The following AKAP6 variants were observed in gnomAD, a reference collection of about 807,000 sequenced individuals.
AKAP6 encodes A-kinase anchor protein 6.
Under a neutral mutation model 188.5 loss-of-function variants are expected in AKAP6, and 58 were observed. The ratio of observed to expected loss-of-function variants is 0.31; its 90% CI spans 0.25 to 0.38. AKAP6 has a LOEUF of 0.38. Among genes scored for constraint, AKAP6 ranks in the 10% least tolerant of loss-of-function variants. AKAP6 has a pLI of 1.00. For missense variants in AKAP6, 2,710 were observed against 2,740.0 expected, an observed-to-expected ratio of 0.99 and a Z score of 0.24; for synonymous variants, 989 against 998.6, an observed-to-expected ratio of 0.99 and a Z score of 0.18.
At chr14:32,455,770 T>A (rs1392622368) in intron 2 of AKAP6, among the ~76,000 whole-genome samples, 2 of 152,244 alleles carry the variant, frequency 1.3e-5, no homozygotes, top group Admixed American at 6.5e-5. Context: ...AGATCTACTC[T>A]GATCTGTTTT....
At chr14:32,427,096 T>C (rs1200685250) in intron 1 of AKAP6, among the ~76,000 whole-genome samples, 1 of 152,202 alleles carries the variant, frequency 6.6e-6, no homozygotes. Context: ...CGAGATCTTT[T>C]AAATTATGGA....
At chr14:32,564,684 C>T (rs1412535654) in intron 4 of AKAP6, among the ~76,000 whole-genome samples, 2 of 152,158 alleles carry the variant, frequency 1.3e-5, no homozygotes, top group African/African-American at 2.4e-5. Flanking sequence ...CAGATGTTAA[C>T]AGTCAGAAGG....
chr14:32,412,932 C>A (rs1889534854), intron 1 of AKAP6, among the ~76,000 whole-genome samples: 1 of 152,120 alleles, frequency 6.6e-6, no homozygotes, highest in Admixed American at 6.6e-5. Flanking sequence ...TTTTCTCAAT[C>A]TTGAAATTGG....
rs539563610 is a variant in AKAP6 at position 32,826,088 on chromosome 14, A to AT, written c.*42+1282dup. Among the ~76,000 whole-genome samples, 47 of 151,414 alleles carry AT rather than the reference A, an allele frequency of 3.1e-4. 1 individual carries two copies. Among genetic ancestry groups the AT allele is most frequent in the East Asian group, 2.5e-3 (13 of 5,130 alleles). On this transcript the variant is annotated intron_variant, in intron 13 of 13. Coordinates refer to ENST00000280979, the MANE Select transcript of AKAP6 (RefSeq NM_004274.5). Reference sequence around the variant, plus strand: ...TGAAAGATGAATGGCAAACATCATTATTTTTTTTTCCTGCAACACCTGTGC... The same window carrying AT: ...TGAAAGATGAATGGCAAACATCATTATTTTTTTTTTCCTGCAACACCTGTGC...
chr14:32,815,277 A>G (rs1261066552), intron 12 of AKAP6, among the ~76,000 whole-genome samples: 5 of 152,178 alleles, frequency 3.3e-5, no homozygotes, highest in African/African-American at 7.2e-5. Context: ...AGCATTCACT[A>G]GAACAGTTTT....
At chr14:32,344,814 G>T (rs1019953316) in intron 1 of AKAP6, among the ~76,000 whole-genome samples, 6 of 151,878 alleles carry the variant, frequency 4.0e-5, no homozygotes, top group Non-Finnish European at 7.4e-5. Flanking sequence ...TACTCAGGAG[G>T]CTGAGGCATG....
chr14:32,379,571 C>T (rs924447814), intron 1 of AKAP6, among the ~76,000 whole-genome samples: 2 of 152,066 alleles, frequency 1.3e-5, no homozygotes, highest in Non-Finnish European at 2.9e-5. Context: ...TGCTTCTTTT[C>T]CTTTCCCCTT....
At chr14:32,817,480 TGTGTC>T (rs1211887718) in intron 12 of AKAP6, among the ~76,000 whole-genome samples, 6 of 131,614 alleles carry the variant, frequency 4.6e-5, no homozygotes, top group South Asian at 2.5e-4. Context: ...TGTGTGTGTG[TGTGTC>T]TGTGTTTGTG....
At chr14:32,828,809 T>A (rs1400930720) in intron 13 of AKAP6, among the ~76,000 whole-genome samples, 24 of 152,192 alleles carry the variant, frequency 1.6e-4, no homozygotes, top group Admixed American at 1.5e-3. Flanking sequence ...CCAAATTTCA[T>A]CCCATCTGTT....
rs1320017687 is a variant in AKAP6, at chr14:32,821,677, G to A, written c.3864G>A (p.Val1288=). ...TAPSSPHIYQ[V]YSLHNVELYE... ...CCTCTAGTCCACACATTTACCAGGT[G>A]TACAGCCTCCACAATGTTGAACTCT... The change falls in exon 13 of 14, where the codon GTG becomes GTA. Residue 1288 remains valine (V), a synonymous_variant. Coordinates refer to ENST00000280979, the MANE Select transcript of AKAP6 (RefSeq NM_004274.5). 6 of 1,613,676 alleles carry A rather than the reference G, an allele frequency of 3.7e-6. No individual in the cohort carries two copies. The highest frequency in any genetic ancestry group is 1.7e-6 in the Non-Finnish European group (2 of 1,179,884).
At chr14:32,777,039 A>G (rs2033088961) in intron 12 of AKAP6, among the ~76,000 whole-genome samples, 1 of 152,182 alleles carries the variant, frequency 6.6e-6, no homozygotes, top group African/African-American at 2.4e-5. Flanking sequence ...CCTCACTCAT[A>G]GTAGAAACCC....
chr14:32,520,694 A>T (rs1881782149), intron 2 of AKAP6, among the ~76,000 whole-genome samples: 2 of 152,222 alleles, frequency 1.3e-5, no homozygotes, highest in South Asian at 4.1e-4. Context: ...AAATTGAGGC[A>T]GTAATTAGTA....
At chr14:32,777,084 A>G (rs1235842662) in intron 12 of AKAP6, among the ~76,000 whole-genome samples, 1 of 152,190 alleles carries the variant, frequency 6.6e-6, no homozygotes, top group African/African-American at 2.4e-5. Flanking sequence ...GGGTACCAAG[A>G]AAAGTTTTTG....
chr14:32,563,141 G>A (rs1348139356), intron 4 of AKAP6, among the ~76,000 whole-genome samples: 1 of 152,182 alleles, frequency 6.6e-6, no homozygotes, highest in Non-Finnish European at 1.5e-5. Context: ...TACATTCATA[G>A]TAAGAGATTT....
intron 1 of AKAP6, among the ~76,000 whole-genome samples, chr14:32,343,295 A>AG (rs2138419777): frequency 6.6e-6 from 1 of 152,270 alleles, no homozygotes; most frequent in Non-Finnish European, 1.5e-5. Flanking sequence ...CCTAGGATAC[A>AG]GGAGGTGCTC....
chr14:32,448,653 A>C (rs1193494425), intron 2 of AKAP6, among the ~76,000 whole-genome samples: 1 of 152,248 alleles, frequency 6.6e-6, no homozygotes, highest in Non-Finnish European at 1.5e-5. Flanking sequence ...GATGAAAACT[A>C]TAAACTGTCT....
At chr14:32,509,804 G>A (rs1881081184) in intron 2 of AKAP6, among the ~76,000 whole-genome samples, 1 of 152,124 alleles carries the variant, frequency 6.6e-6, no homozygotes, top group Non-Finnish European at 1.5e-5. Flanking sequence ...GGCAAATAGA[G>A]TCCTGCTGGG....
chr14:32,441,653 A>ATTATC (rs1890580054), intron 2 of AKAP6, among the ~76,000 whole-genome samples: 1 of 147,696 alleles, frequency 6.8e-6, no homozygotes, highest in African/African-American at 2.7e-5. Context: ...TTCCTGGCAC[A>ATTATC]TTATCGCAGA....
At chr14:32,419,460 T>C (rs755586878) in intron 1 of AKAP6, among the ~76,000 whole-genome samples, 7 of 152,224 alleles carry the variant, frequency 4.6e-5, no homozygotes, top group Non-Finnish European at 1.0e-4. Flanking sequence ...AGTAGTTATT[T>C]GATGTGTTCT....
Sources: gnomAD v4.1 joint callset for allele counts (sites outside exome capture counted in the v4.1 genomes callset) on GRCh38, gnomAD v4.1.1 for gene constraint, MANE v1.5 for transcripts, NCBI Gene and HGNC (gene_info 2026-07-23, HGNC 2026-07-21) for gene names.